WBP2: variants seen among roughly 807,000 people sequenced by gnomAD.
The protein encoded by WBP2 is WW domain binding protein 2.
WBP2 carries 23 observed loss-of-function variants against 33.0 expected under a neutral mutation model. The observed-to-expected ratio is 0.70, with a 90% CI of 0.50 to 0.99. The LOEUF (loss-of-function observed/expected upper bound fraction) is 0.99. Among genes scored for constraint, WBP2 ranks in the 50% least tolerant of loss-of-function variants. WBP2 has a pLI of 0.00. For synonymous variants in WBP2, 153 were observed against 133.5 expected, an observed-to-expected ratio of 1.15 and a Z score of -1.01; for missense variants, 353 against 358.0, an observed-to-expected ratio of 0.99 and a Z score of 0.11.
chr17:75,856,074 C>A (rs542903872), upstream of WBP2, among the ~76,000 whole-genome samples: 5 of 152,144 alleles, frequency 3.3e-5, no homozygotes, highest in Non-Finnish European at 7.4e-5. Flanking sequence ...CCGCTCCCCC[C>A]TTAGCGCCCA....
At chr17:75,851,767 G>A (rs920159954) in intron 1 of WBP2, 91 bp from the exon 2 acceptor site, 21 of 931,418 alleles carry the variant, frequency 2.3e-5, no homozygotes, top group Middle Eastern at 2.2e-4. Flanking sequence ...GCAGCTGCCC[G>A]GCACGTCAGC....
intron 3 of WBP2, 102 bp downstream of exon 3, chr17:75,849,502 G>A (rs1423323133): frequency 2.0e-6 from 3 of 1,463,496 alleles, no homozygotes; most frequent in African/African-American, 1.4e-5. Flanking sequence ...TCATGGCTAG[G>A]GCGATAAGGG....
At chr17:75,849,858 G>A (rs762513673) in intron 2 of WBP2, 119 bp from the exon 3 acceptor site, 33 of 1,375,352 alleles carry the variant, frequency 2.4e-5, no homozygotes, top group Non-Finnish European at 2.7e-5. Flanking sequence ...GCAGCCCCAT[G>A]GCTCTCTCTG....
chr17:75,851,829 C>T (rs2065029668), intron 1 of WBP2, 153 bp from the exon 2 acceptor site: 1 of 539,962 alleles, frequency 1.9e-6, no homozygotes, highest in Non-Finnish European at 3.5e-6. Flanking sequence ...GGGCTGGGCG[C>T]GGTGGCTCAC....
In WBP2 at chr17:75,846,504, G is replaced by A; in HGVS notation, c.*230C>T. ...CTCCCAGAAGAGCCCCAGACGGTGAGGGAGGTACGCTGGGCAGCACTGTGG... is the reference window on the plus strand; with the variant it reads ...CTCCCAGAAGAGCCCCAGACGGTGAAGGAGGTACGCTGGGCAGCACTGTGG... On this transcript the variant is annotated 3_prime_UTR_variant, in exon 8 of 8. Coordinates refer to ENST00000254806, the MANE Select transcript of WBP2 (RefSeq NM_012478.4). This position sits in a 1 kb window ranked among gnomAD's most constrained non-coding sequence, Gnocchi z 4.8. 6.7e-6 allele frequency: 4 copies of A among 593,362 alleles called. No individual in the cohort carries two copies. The South Asian group carries it at 7.9e-5, about 12-fold the overall frequency. 36.8% of individuals were successfully genotyped at this position (593,362 alleles called of 1,614,324 possible).
intron 1 of WBP2, chr17:75,852,796 GT>G: frequency 1.0e-6 from 1 of 985,210 alleles, no homozygotes; most frequent in African/African-American, 1.7e-5. Context: ...TAGATGTTCT[GT>G]TTTTGCTGGT....
chr17:75,847,682 T>A (rs2065002753), intron 5 of WBP2, 73 bp from the exon 6 acceptor site: 1 of 1,597,794 alleles, frequency 6.3e-7, no homozygotes, highest in African/African-American at 1.3e-5. Flanking sequence ...GGGGGGCCTC[T>A]CCAGCTCCTT....
At chr17:75,852,410 C>T (rs1001699433) in intron 1 of WBP2, 1 of 152,148 alleles carries the variant, frequency 6.6e-6, no homozygotes, top group African/African-American at 2.4e-5. Flanking sequence ...GGCCATCATC[C>T]CTCAAGCAAG....
At chr17:75,852,764 ATTTTC>A (rs919163910) in intron 1 of WBP2, 17 of 984,762 alleles carry the variant, frequency 1.7e-5, no homozygotes, top group African/African-American at 1.6e-4. Flanking sequence ...CAACTCTTCT[ATTTTC>A]TTTTAAGTCC....
In WBP2 at chr17:75,846,688, G is replaced by A. The variant is rs1241811155; in HGVS notation, c.*46C>T. The A allele has an allele frequency of 2.7e-6, 4 of 1,504,070 alleles. No individual in the cohort carries two copies. The highest frequency in any genetic ancestry group is 3.6e-6 in the Non-Finnish European group (4 of 1,121,524). 93.2% of individuals were successfully genotyped at this position (1,504,070 alleles called of 1,614,324 possible). ...AGCCCCAGCACAGCCCCGATGGGAG[G>A]GGTAGGGTAGAGAGATGAGGGTGGG... On this transcript the variant is annotated 3_prime_UTR_variant, in exon 8 of 8. Coordinates refer to ENST00000254806, the MANE Select transcript of WBP2 (RefSeq NM_012478.4). This position sits in a 1 kb window ranked among gnomAD's most constrained non-coding sequence, Gnocchi z 4.8.
At position 75,855,229 on chromosome 17, in the gene WBP2, G is replaced by C. The variant is rs1396504560; in HGVS notation, c.59+10C>G. The C allele has an allele frequency of 1.9e-6, 3 of 1,552,776 alleles. No homozygotes were observed. In the South Asian group the frequency reaches 3.3e-5, roughly 17 times the overall value. ...TTTGGTCCTCCAGGATCCTTCCGCAGTGTTTTCACCTCTCGGTGTTATTGA... is the reference window on the plus strand; with the variant it reads ...TTTGGTCCTCCAGGATCCTTCCGCACTGTTTTCACCTCTCGGTGTTATTGA... On this transcript the variant is annotated intron_variant, in intron 1 of 7. Transcript: ENST00000254806.
intron 4 of WBP2, chr17:75,848,225 T>C: frequency 1.7e-6 from 1 of 585,088 alleles, no homozygotes; most frequent in Non-Finnish European, 3.0e-6. Context: ...TGGCGGAGGA[T>C]GTCTGCTGGC....
At chr17:75,847,447 G>A (rs1204325490) in intron 6 of WBP2, 40 bp downstream of exon 6, 4 of 1,574,228 alleles carry the variant, frequency 2.5e-6, no homozygotes, top group Admixed American at 1.9e-5. Context: ...GGGAGGAGAG[G>A]GCTGGTCCCG....
chr17:75,847,556 G>A lies in WBP2; in HGVS notation c.586C>T (p.Pro196Ser), dbSNP rs897783880. The A allele has an allele frequency of 3.7e-6, 6 of 1,603,150 alleles. No homozygotes were observed. The highest frequency in any genetic ancestry group is 2.2e-5 in the South Asian group (2 of 90,016). Reference protein sequence around the residue: ...MDGAMGYVQPPPPPYPGPMEP... With the variant: ...MDGAMGYVQPSPPPYPGPMEP... ...ATGGGCCCAGGGTAGGGCGGTGGTGGGGGCTGCACGTATCCCATGGCCCCG... is the reference window on the plus strand; with the variant it reads ...ATGGGCCCAGGGTAGGGCGGTGGTGAGGGCTGCACGTATCCCATGGCCCCG... Residue 196 changes from proline to serine, a missense_variant, in exon 6 of 8, where the codon CCA becomes TCA. Physicochemically the swap from Pro to Ser is moderately conservative, Grantham distance 74. Transcript: ENST00000254806.
chr17:75,853,870 C>T (rs1229349506), intron 1 of WBP2, among the ~76,000 whole-genome samples: 1 of 151,728 alleles, frequency 6.6e-6, no homozygotes, highest in Non-Finnish European at 1.5e-5. Flanking sequence ...ATGGTGAAAC[C>T]CTATGTCTAC....
At chr17:75,849,525 G>A (rs1394243995) in intron 3 of WBP2, 79 bp downstream of exon 3, 4 of 1,564,942 alleles carry the variant, frequency 2.6e-6, no homozygotes, top group Non-Finnish European at 3.5e-6. Context: ...TGAAGGGGAC[G>A]CCCCCACGGC....
At chr17:75,848,366 G>A in intron 4 of WBP2, 3 of 606,656 alleles carry the variant, frequency 4.9e-6, no homozygotes, top group Non-Finnish European at 8.8e-6. Flanking sequence ...ACCTGCCCCA[G>A]GCAGGGAAAC....
chr17:75,847,082 TG>T, intron 6 of WBP2, 98 bp from the exon 7 acceptor site: 1 of 1,365,544 alleles, frequency 7.3e-7, no homozygotes, highest in Non-Finnish European at 1.0e-6. Flanking sequence ...CAGCTGGTGC[TG>T]GGGGTCCAGT....
chr17:75,846,653 C>T lies in WBP2; in HGVS notation c.*81G>A, dbSNP rs2064993683. 2.7e-6 allele frequency: 4 copies of T among 1,461,930 alleles called. No homozygotes were observed. The highest frequency in any genetic ancestry group is 2.8e-5 in the African/African-American group (2 of 70,638). The allele number at this position is 1,461,930 out of a possible 1,614,324, so 90.6% of individuals were successfully genotyped here. A position where few individuals can be genotyped will look rare whatever the true frequency, so the allele number is the denominator to read the frequency against. ...CTGGAGGGAGAACAAGGCGCCCCCTCCCCTCCCCAAGCCCCAGCACAGCCC... is the reference window on the plus strand; with the variant it reads ...CTGGAGGGAGAACAAGGCGCCCCCTTCCCTCCCCAAGCCCCAGCACAGCCC... On this transcript the variant is annotated 3_prime_UTR_variant, in exon 8 of 8. Transcript: ENST00000254806. The surrounding 1 kb of genome is among the most constrained non-coding windows in gnomAD (Gnocchi z 4.8).
Sources: allele counts gnomAD v4.1 joint callset (sites outside exome capture counted in the v4.1 genomes callset), GRCh38; gene constraint gnomAD v4.1.1; non-coding constraint Gnocchi (gnomAD v3.1); transcripts MANE v1.5; gene names NCBI Gene and HGNC (gene_info 2026-07-23, HGNC 2026-07-21).